SBF1: variants seen among roughly 807,000 people sequenced by gnomAD.
SBF1 encodes myotubularin-related protein 5.
A neutral mutation model predicts 215.8 loss-of-function variants in SBF1; 65 were observed. The ratio of observed to expected loss-of-function variants is 0.30; its 90% confidence interval spans 0.25 to 0.37. SBF1 has a LOEUF of 0.37. SBF1 is among the 10% of genes least tolerant of loss of function. The pLI is 1.00. For missense variants in SBF1, 2,634 were observed against 2,667.8 expected (o/e 0.99, Z 0.28); for synonymous variants, 1,410 against 1,122.8 (o/e 1.26, Z -5.11).
Position 50,466,081 on chromosome 22 carries a change from A to T in SBF1, c.898-7T>A. On this transcript the variant is annotated splice_polypyrimidine_tract_variant and splice_region_variant and intron_variant, in intron 8 of 40. Coordinates refer to ENST00000380817, the MANE Select transcript of SBF1 (RefSeq NM_002972.4). ...CAGCAACAATCACATCGAGCTGCGG[A>T]CCAAGGGAGCCGGCAGTCAGGGACC... is the stretch of plus-strand genomic sequence containing the variant. The T allele has an allele frequency of 6.2e-7, 1 of 1,613,564 alleles. No homozygotes were observed. The highest frequency in any genetic ancestry group is 8.5e-7 in the Non-Finnish European group (1 of 1,179,962).
Position 50,456,291 on chromosome 22 carries a change from G to T in SBF1, c.4191C>A (p.Val1397=), listed in dbSNP as rs758734914. 12 of 1,612,884 alleles carry T rather than the reference G, an allele frequency of 7.4e-6. No individual in the cohort carries two copies. The highest frequency in any genetic ancestry group is 9.3e-6 in the Non-Finnish European group (11 of 1,179,996). The change falls in exon 31 of 41, where the codon GTC becomes GTA. Residue 1397 remains valine, a synonymous_variant. Transcript: ENST00000380817. ...TGGGCTCAGCAGCGGGGCAGCCTGG[G>T]ACACATGCTTTCAGCAGCTTCTTGA... ...ASFKKLLKAC[V]PGCPAAEPSP...
Position 50,459,312 on chromosome 22 carries a change from C to T in SBF1, c.3769G>A (p.Asp1257Asn), listed in dbSNP as rs368062270. ...CTAAGCGTGTTGCGTCCCGACGCGT[C>T]GGCGTAGCGGGGCATGGAGCTGACC... ...AVVSSMPRYA[D>N]ASGRNTLSGF... The change falls in exon 28 of 41, where the codon GAC becomes AAC. Residue 1257 changes from aspartate to asparagine, a missense_variant. Physicochemically the swap from Asp to Asn is conservative, Grantham distance 23. Transcript: ENST00000380817. 2.4e-5 allele frequency: 39 copies of T among 1,612,318 alleles called. No individual in the cohort carries two copies. In the East Asian group the frequency reaches 2.9e-4, roughly 12 times the overall value.
intron 1 of SBF1, among the ~76,000 whole-genome samples, chr22:50,473,377 C>T (rs1569515026): frequency 6.6e-6 from 1 of 152,292 alleles, no homozygotes; most frequent in African/African-American, 2.4e-5. Context: ...ATAGGTGCCT[C>T]GGTGCAGACA....
In SBF1 at chr22:50,467,283, GGCCCCA is replaced by G; in HGVS notation, c.549+49_549+54del. The stretch of plus-strand genomic sequence containing the variant: ...TGGCTGGGCTCCAAATACCTACCAG[GGCCCCA>G]GCAGGAGGGCCTGTGGCTGTGCAGA... On this transcript the variant is annotated intron_variant, in intron 5 of 40. Coordinates refer to ENST00000380817, the MANE Select transcript of SBF1 (RefSeq NM_002972.4). 2.1e-6 allele frequency: 3 copies of G among 1,452,528 alleles called. No homozygotes were observed. The East Asian group carries it at 6.8e-5, about 33-fold the overall frequency. The allele number at this position is 1,452,528 out of a possible 1,614,324, so 90.0% of individuals were successfully genotyped here. A position where few individuals can be genotyped will look rare whatever the true frequency, so the allele number is the denominator to read the frequency against.
At chr22:50,459,743 G>T in intron 26 of SBF1, 77 bp from the exon 27 acceptor site, 1 of 1,456,862 alleles carries the variant, frequency 6.9e-7, no homozygotes, top group Non-Finnish European at 9.2e-7. Context: ...AGGGCAAGAG[G>T]AGCCAGCCCA....
Position 50,447,399 on chromosome 22 carries a change from C to T in SBF1, c.5506G>A (p.Ala1836Thr). The T allele has an allele frequency of 2.5e-6, 4 of 1,614,028 alleles. No individual in the cohort carries two copies. Among genetic ancestry groups the T allele is most frequent in the Non-Finnish European group, 3.4e-6 (4 of 1,179,978 alleles). The change falls in exon 40 of 41, where the codon GCG becomes ACG. Residue 1836 changes from alanine to threonine, a missense_variant. Transcript: ENST00000380817. ...DTECKGVIDL[A>T]EVEAVAPGTP... is the part of the protein sequence containing the mutation. ...CCAGGTGCCACAGCCTCCACCTCCG[C>T]CAAGTCGATGACACCCTTGCACTCT...
rs1455114562 is a variant in SBF1 at position 50,461,434 on chromosome 22, A to C, written c.2839+89T>G. ...TTCCCACGGGCACCCAGAACCCCCG[A>C]GAAAAGGGAGAGGGAGGCAGGGAAA... On this transcript the variant is annotated intron_variant, in intron 22 of 40. Transcript: ENST00000380817. 10 of 1,499,806 alleles carry C rather than the reference A, an allele frequency of 6.7e-6. No individual in the cohort carries two copies. The East Asian group carries it at 2.3e-4, about 34-fold the overall frequency. 92.9% of individuals were successfully genotyped at this position (1,499,806 alleles called of 1,614,324 possible). A position where few individuals can be genotyped will look rare whatever the true frequency, so the allele number is the denominator to read the frequency against.
chr22:50,446,884 C>T lies in SBF1; in HGVS notation c.*258G>A, dbSNP rs745689851. On this transcript the variant is annotated 3_prime_UTR_variant, in exon 41 of 41. Transcript: ENST00000380817. ...CGCTGGCTGGACCAGCACACGCTGA[C>T]GGGGCCGGACTATTTACAGGCCCAT... 4.3e-5 allele frequency: 32 copies of T among 743,568 alleles called. No individual in the cohort carries two copies. Among genetic ancestry groups the T allele is most frequent in the Middle Eastern group, 2.3e-4 (1 of 4,258 alleles). The allele number at this position is 743,568 out of a possible 1,614,324, so 46.1% of individuals were successfully genotyped here.
rs1486097437 is a variant in SBF1 at position 50,466,716 on chromosome 22, G to A, written c.550-6C>T. On this transcript the variant is annotated splice_polypyrimidine_tract_variant and splice_region_variant and intron_variant, in intron 5 of 40. Transcript: ENST00000380817. ...GCCCCCAAAGAGATCGTCCTCTGCA[G>A]CAAAAAAAGGATCGGGGCTCAGTAG... 7 of 1,514,840 alleles carry A rather than the reference G, an allele frequency of 4.6e-6. No individual in the cohort carries two copies. In the South Asian group the frequency reaches 5.0e-5, roughly 11 times the overall value. The allele number at this position is 1,514,840 out of a possible 1,614,324, so 93.8% of individuals were successfully genotyped here.
chr22:50,470,398 G>A (rs1324679315), intron 1 of SBF1, among the ~76,000 whole-genome samples: 1 of 152,086 alleles, frequency 6.6e-6, no homozygotes, highest in Non-Finnish European at 1.5e-5. Context: ...GTCTTGTGAA[G>A]CATCAACTCT....
At position 50,448,346 on chromosome 22, in the gene SBF1, G is replaced by A; in HGVS notation, c.5250C>T (p.Leu1750=). Residue 1750 remains leucine (L), a synonymous_variant, in exon 38 of 41, where the codon CTC becomes CTT. Coordinates refer to ENST00000380817, the MANE Select transcript of SBF1 (RefSeq NM_002972.4). The part of the protein sequence containing the change: ...QEGPVGSTLS[L]SLDSDQSSGS... ...CACTACTCTGGTCGCTGTCCAGGCT[G>A]AGGCTCAGGGTGGAGCCCACGGGCC... 1 of 1,613,908 alleles carries A rather than the reference G, an allele frequency of 6.2e-7. No individual in the cohort carries two copies. The highest frequency in any genetic ancestry group is 2.2e-5 in the East Asian group (1 of 44,882).
rs762415493 is a variant in SBF1, at chr22:50,456,354, G to A, written c.4128C>T (p.Pro1376=). 3.1e-6 allele frequency: 5 copies of A among 1,613,178 alleles called. No individual in the cohort carries two copies. Among genetic ancestry groups the A allele is most frequent in the East Asian group, 4.5e-5 (2 of 44,894 alleles). ...CCTGCCGTGCCTCGAATACCTCAAT[G>A]GGCACCAGCTCCCACTGCTGCAGGG... The part of the protein sequence containing the change: ...SDPLQQWELV[P]IEVFEARQVK... Residue 1376 remains proline, a synonymous_variant, in exon 31 of 41, where the codon CCC becomes CCT. Coordinates refer to ENST00000380817, the MANE Select transcript of SBF1 (RefSeq NM_002972.4).
intron 28 of SBF1, chr22:50,457,321 C>T (rs1322150764): frequency 1.1e-5 from 5 of 443,674 alleles, no homozygotes; most frequent in East Asian, 1.1e-4. Flanking sequence ...CAGAGCACTC[C>T]GTGGCAGCAG....
intron 5 of SBF1, 174 bp downstream of exon 5, chr22:50,467,164 G>A (rs1234416896): frequency 1.8e-5 from 11 of 612,592 alleles, no homozygotes; most frequent in Non-Finnish European, 3.2e-5. Context: ...GAGCACAGGT[G>A]CGAGGGCCAG....
rs866083002 is a variant in SBF1 at position 50,464,540 on chromosome 22, G to T, written c.1630C>A (p.Pro544Thr). 6.2e-7 allele frequency: 1 copy of T among 1,609,716 alleles called. No homozygotes were observed. Among genetic ancestry groups the T allele is most frequent in the Non-Finnish European group, 8.5e-7 (1 of 1,178,070 alleles). Reference protein sequence around the residue: ...ERRTTVPSGPPMTAILERCSG... With the variant: ...ERRTTVPSGPTMTAILERCSG... ...CCCCTCCCTCATTACGCACTCATGG[G>T]GGGCCCTGAGGGCACGGTGGTCCTC... Residue 544 changes from proline (P) to threonine (T), a missense_variant, in exon 14 of 41, where the codon CCC becomes ACC. Pro to Thr is a conservative substitution (Grantham distance 38, BLOSUM62 -1). Transcript: ENST00000380817.
intron 28 of SBF1, among the ~76,000 whole-genome samples, chr22:50,458,547 A>C (rs2067356786): frequency 6.6e-6 from 1 of 152,174 alleles, no homozygotes; most frequent in Admixed American, 6.5e-5. Flanking sequence ...AGGCAGCAAG[A>C]CAGGGCGATT....
At chr22:50,451,199 C>T (rs920956148) in intron 36 of SBF1, among the ~76,000 whole-genome samples, 19 of 146,168 alleles carry the variant, frequency 1.3e-4, no homozygotes, top group African/African-American at 4.4e-4. Flanking sequence ...AAAAAGTAGC[C>T]GGCACGTGGC....
At chr22:50,457,284 G>A (rs2067293463) in intron 28 of SBF1, 173 bp from the exon 29 acceptor site, 1 of 497,876 alleles carries the variant, frequency 2.0e-6, no homozygotes, top group South Asian at 3.7e-5. Flanking sequence ...CCTGGTGTGG[G>A]CCTCTCTGCC....
chr22:50,452,982 A>G (rs2067107328), intron 36 of SBF1, among the ~76,000 whole-genome samples: 1 of 146,724 alleles, frequency 6.8e-6, no homozygotes, highest in African/African-American at 2.4e-5. Flanking sequence ...AAAAAAAGAA[A>G]AGAAAGAAAG....
Sources: allele counts gnomAD v4.1 joint callset (sites outside exome capture counted in the v4.1 genomes callset), GRCh38; gene constraint gnomAD v4.1.1; transcripts MANE v1.5; gene names NCBI Gene and HGNC (gene_info 2026-07-23, HGNC 2026-07-21).